The following SS18 variants were observed in gnomAD, a reference collection of about 807,000 sequenced individuals.
The protein encoded by SS18 is SS18 subunit of BAF chromatin remodeling complex.
Under a neutral mutation model 72.5 loss-of-function variants are expected in SS18, and 28 were observed. The ratio of observed to expected loss-of-function variants is 0.39; its 90% CI spans 0.29 to 0.53. SS18 has a LOEUF of 0.53. SS18 is among the 20% of genes least tolerant of loss of function. SS18 has a pLI of 0.76. For synonymous variants in SS18, 172 were observed against 164.2 expected (o/e 1.05, Z -0.37); for missense variants, 518 against 535.3 (o/e 0.97, Z 0.32).
chr18:26,023,916 TA>T (rs141336471), intron 10 of SS18, among the ~76,000 whole-genome samples: 8,890 of 152,170 alleles, frequency 0.058, 765 homozygotes, highest in African/African-American at 0.19. Flanking sequence ...CTGTGGGGTT[TA>T]TAACGTATAC....
chr18:26,052,740 T>A lies in SS18; in HGVS notation c.491A>T (p.Asn164Ile). The change falls in exon 5 of 11, where the codon AAC becomes ATC. Residue 164 changes from asparagine (N) to isoleucine (I), a missense_variant. By Grantham distance (149) the Asn-to-Ile change is moderately radical (BLOSUM62 -3). Transcript: ENST00000415083. ...GCTCTGTGATGATGGCACAGAATGG[T>A]TGTAACCTCCCATGGATCCATGGCT... ...SSSHGSMGGY[N>I]HSVPSSQSMP... 6.2e-7 allele frequency: 1 copy of A among 1,614,158 alleles called. No homozygotes were observed. Among genetic ancestry groups the A allele is most frequent in the Non-Finnish European group, 8.5e-7 (1 of 1,179,988 alleles).
chr18:26,036,959 A>T (rs114981783), intron 7 of SS18, among the ~76,000 whole-genome samples: 328 of 152,242 alleles, frequency 2.2e-3, no homozygotes, highest in African/African-American at 7.8e-3. Context: ...GACCAAAACC[A>T]TATGGCCCAC....
At chr18:26,085,269 A>G (rs1173617588) in intron 2 of SS18, among the ~76,000 whole-genome samples, 1 of 152,216 alleles carries the variant, frequency 6.6e-6, no homozygotes, top group Non-Finnish European at 1.5e-5. Context: ...CATGTCGTCA[A>G]AGCAATCCTC....
chr18:26,078,084 A>G lies in SS18; in HGVS notation c.223T>C (p.Leu75=). 6.2e-7 allele frequency: 1 copy of G among 1,610,324 alleles called. No homozygotes were observed. The highest frequency in any genetic ancestry group is 8.5e-7 in the Non-Finnish European group (1 of 1,177,492). Residue 75 remains leucine, a synonymous_variant, in exon 3 of 11, where the codon TTA becomes CTA. Coordinates refer to ENST00000415083, the MANE Select transcript of SS18 (RefSeq NM_001007559.3). ...ATTTTAAAGATACTTACTGCTGGTA[A>G]AAGAGACTGCATATTTTGATTAGAA... The part of the protein sequence containing the change: ...ADSNQNMQSL[L]PAPPTQNMPM...
At chr18:26,083,027 C>T (rs2054553925) in intron 2 of SS18, among the ~76,000 whole-genome samples, 1 of 152,074 alleles carries the variant, frequency 6.6e-6, no homozygotes. Context: ...AACAAGAACA[C>T]CTGTTAAGGT....
intron 3 of SS18, among the ~76,000 whole-genome samples, chr18:26,057,985 A>C (rs2054053878): frequency 6.6e-6 from 1 of 152,188 alleles, no homozygotes; most frequent in Non-Finnish European, 1.5e-5. Context: ...AAAAATTCTC[A>C]TTTATTTATA....
chr18:26,074,346 A>C (rs2054371004), intron 3 of SS18, among the ~76,000 whole-genome samples: 1 of 151,958 alleles, frequency 6.6e-6, no homozygotes, highest in African/African-American at 2.4e-5. Flanking sequence ...TTCTGCTGTA[A>C]TATCAAACAA....
chr18:26,074,566 AAGAT>A (rs2054375147), intron 3 of SS18, among the ~76,000 whole-genome samples: 1 of 152,022 alleles, frequency 6.6e-6, no homozygotes, highest in Non-Finnish European at 1.5e-5. Context: ...TCATCTCACA[AAGAT>A]AGTTATTTTT....
At chr18:26,088,113 CAAT>C (rs1214103962) in intron 1 of SS18, among the ~76,000 whole-genome samples, 1 of 152,166 alleles carries the variant, frequency 6.6e-6, no homozygotes, top group Non-Finnish European at 1.5e-5. Flanking sequence ...CGTGTTTAAT[CAAT>C]AATGTTTTAA....
chr18:26,042,459 T>A (rs8088432), intron 5 of SS18, among the ~76,000 whole-genome samples: 8,898 of 152,206 alleles, frequency 0.058, 767 homozygotes, highest in African/African-American at 0.19. Context: ...CAAACACTTA[T>A]CATTAGCACA....
intron 3 of SS18, among the ~76,000 whole-genome samples, chr18:26,061,357 T>C (rs1171184421): frequency 1.3e-5 from 2 of 152,090 alleles, no homozygotes; most frequent in African/African-American, 4.8e-5. Context: ...AGACGGAGAA[T>C]TTCAGCAAAG....
At chr18:26,083,045 A>C (rs1017886111) in intron 2 of SS18, among the ~76,000 whole-genome samples, 4 of 152,146 alleles carry the variant, frequency 2.6e-5, no homozygotes, top group East Asian at 1.9e-4. Flanking sequence ...GGTCGAGAGG[A>C]GGAGTTGTTT....
chr18:26,035,909 C>T lies in SS18; in HGVS notation c.895G>A (p.Gly299Ser), dbSNP rs1442900802. ...QYYPDGHNDY[G>S]YQQPSYPEQG... The stretch of plus-strand genomic sequence containing the variant: ...TCAGGATACGACGGTTGCTGATAAC[C>T]GTAATCATTATGACCTACATCAATT... The change falls in exon 8 of 11, where the codon GGT becomes AGT. Residue 299 changes from glycine to serine, a missense_variant. Coordinates refer to ENST00000415083, the MANE Select transcript of SS18 (RefSeq NM_001007559.3). This position sits in a 1 kb window ranked among gnomAD's most constrained non-coding sequence, Gnocchi z 4.4. 1 of 1,597,886 alleles carries T rather than the reference C, an allele frequency of 6.3e-7. No homozygotes were observed. Among genetic ancestry groups the T allele is most frequent in the Non-Finnish European group, 8.5e-7 (1 of 1,170,416 alleles).
chr18:26,064,295 T>C (rs546635407), intron 3 of SS18, among the ~76,000 whole-genome samples: 1 of 152,122 alleles, frequency 6.6e-6, no homozygotes, highest in African/African-American at 2.4e-5. Context: ...TTCCCAATTC[T>C]TTATGAAACT....
In SS18 at chr18:26,017,360, T is replaced by C. The variant is rs2053267106; in HGVS notation, c.*994A>G. ...AAGTCTCCTGAACTATTCAGTTTAA[T>C]AACCAATTATCCCTCAATATTACAA... is the stretch of plus-strand genomic sequence containing the variant. On this transcript the variant is annotated 3_prime_UTR_variant, in exon 11 of 11. Transcript: ENST00000415083. The C allele has an allele frequency of 5.2e-6, 1 of 192,346 alleles. No homozygotes were observed. The highest frequency in any genetic ancestry group is 1.9e-4 in the South Asian group (1 of 5,168). The allele number at this position is 192,346 out of a possible 1,614,324, so 11.9% of individuals were successfully genotyped here. A position where few individuals can be genotyped will look rare whatever the true frequency, so the allele number is the denominator to read the frequency against.
intron 2 of SS18, among the ~76,000 whole-genome samples, chr18:26,078,560 T>A (rs1369442814): frequency 2.0e-5 from 3 of 152,134 alleles, no homozygotes; most frequent in Admixed American, 6.5e-5. Flanking sequence ...TGAGTTTTTT[T>A]AAAAAGAACT....
chr18:26,090,604 C>A lies in SS18; in HGVS notation c.-35G>T, dbSNP rs1417821290. 1.9e-6 allele frequency: 3 copies of A among 1,553,862 alleles called. No individual in the cohort carries two copies. Among genetic ancestry groups the A allele is most frequent in the Admixed American group, 3.9e-5 (2 of 51,940 alleles). ...GTCACCACTATCGGCAAGTCCCGAG[C>A]GCTCCGGGTGAACGGCAAACTGGGG... is the stretch of plus-strand genomic sequence containing the variant. On this transcript the variant is annotated 5_prime_UTR_variant, in exon 1 of 11. Transcript: ENST00000415083.
intron 3 of SS18, among the ~76,000 whole-genome samples, chr18:26,067,579 T>TATA (rs1295145269): frequency 3.9e-5 from 6 of 152,156 alleles, no homozygotes; most frequent in African/African-American, 1.4e-4. Context: ...AATGTTTAGA[T>TATA]GGAACACCTG....
chr18:26,077,446 T>G (rs1182983401), intron 3 of SS18, among the ~76,000 whole-genome samples: 3 of 152,080 alleles, frequency 2.0e-5, no homozygotes, highest in African/African-American at 7.2e-5. Flanking sequence ...ACCCAGTTCC[T>G]TTAACAAATA....
Sources: allele counts gnomAD v4.1 joint callset (sites outside exome capture counted in the v4.1 genomes callset), GRCh38; gene constraint gnomAD v4.1.1; non-coding constraint Gnocchi (gnomAD v3.1); transcripts MANE v1.5; gene names NCBI Gene and HGNC (gene_info 2026-07-23, HGNC 2026-07-21).